Variants in AP3B1 observed in about 807,000 individuals in gnomAD.
AP3B1 encodes AP-3 complex subunit beta-1.
In AP3B1, 61 loss-of-function variants were observed where a neutral mutation model predicts 132.5. The observed-to-expected ratio is 0.46, with a 90% CI of 0.37 to 0.57. The LOEUF is 0.57. Ranked by LOEUF, AP3B1 falls within the 20% of genes least tolerant of loss-of-function variation. The probability of loss-of-function intolerance (pLI) is 0.00; values close to 1 mark genes in which losing one functional copy is unlikely to be tolerated. For missense variants in AP3B1, 1,120 were observed against 1,289.4 expected, an observed-to-expected ratio of 0.87 and a Z score of 2.01; for synonymous variants, 388 against 438.3, an observed-to-expected ratio of 0.89 and a Z score of 1.43.
At chr5:78,182,541 C>T (rs888649307) in intron 7 of AP3B1, among the ~76,000 whole-genome samples, 1 of 152,154 alleles carries the variant, frequency 6.6e-6, no homozygotes, top group African/African-American at 2.4e-5. Context: ...AAAGACAGAC[C>T]AGTGAGTTCC....
chr5:78,077,153 A>G (rs952684292), intron 22 of AP3B1, among the ~76,000 whole-genome samples: 3 of 152,160 alleles, frequency 2.0e-5, no homozygotes, highest in Non-Finnish European at 4.4e-5. Context: ...ATTGTTCTTG[A>G]AATTCCTTAC....
At chr5:78,183,415 C>T (rs1291064135) in intron 7 of AP3B1, among the ~76,000 whole-genome samples, 1 of 152,086 alleles carries the variant, frequency 6.6e-6, no homozygotes, top group African/African-American at 2.4e-5. Flanking sequence ...AAAGGAAGAT[C>T]TCAAACTGAA....
At chr5:78,270,609 G>A (rs1235167378) in intron 1 of AP3B1, among the ~76,000 whole-genome samples, 5 of 152,174 alleles carry the variant, frequency 3.3e-5, no homozygotes, top group Non-Finnish European at 5.9e-5. Context: ...TCCAAGTGGT[G>A]CGCTGCAAAT....
At chr5:78,291,420 GAAAAAAAAA>G (rs5868911) in intron 1 of AP3B1, among the ~76,000 whole-genome samples, 1 of 85,718 alleles carries the variant, frequency 1.2e-5, no homozygotes, top group African/African-American at 4.6e-5. Context: ...CAGATAATTT[GAAAAAAAAA>G]AAAAAAAAAA....
chr5:78,191,659 T>C (rs958337867), intron 7 of AP3B1, among the ~76,000 whole-genome samples: 26 of 151,908 alleles, frequency 1.7e-4, no homozygotes, highest in African/African-American at 6.3e-4. Context: ...TAGAACAAAA[T>C]CCATCATCCA....
chr5:78,132,521 T>C (rs1752734089), intron 15 of AP3B1, among the ~76,000 whole-genome samples: 2 of 152,342 alleles, frequency 1.3e-5, no homozygotes, highest in African/African-American at 4.8e-5. Context: ...TTAACAGCTA[T>C]TGTTTCATTT....
At chr5:78,140,132 T>G (rs1753083262) in intron 15 of AP3B1, among the ~76,000 whole-genome samples, 1 of 152,090 alleles carries the variant, frequency 6.6e-6, no homozygotes, top group South Asian at 2.1e-4. Flanking sequence ...ATAGGAAAAG[T>G]CCCTATTTCG....
chr5:78,117,769 C>T (rs779074279), intron 17 of AP3B1, among the ~76,000 whole-genome samples: 13 of 152,098 alleles, frequency 8.5e-5, no homozygotes, highest in South Asian at 4.1e-4. Context: ...CTAATATGAG[C>T]CCCTTTAACC....
chr5:78,160,114 T>C (rs909730956), intron 13 of AP3B1, among the ~76,000 whole-genome samples: 1 of 152,060 alleles, frequency 6.6e-6, no homozygotes, highest in East Asian at 1.9e-4. Context: ...TATAATATAT[T>C]TGTCTTATAT....
chr5:78,282,034 C>T (rs1191469030), intron 1 of AP3B1, among the ~76,000 whole-genome samples: 3 of 152,182 alleles, frequency 2.0e-5, no homozygotes, highest in African/African-American at 7.2e-5. Context: ...AACCATCCTT[C>T]GTCCTCTACC....
chr5:78,251,790 C>T (rs562944959), intron 2 of AP3B1, among the ~76,000 whole-genome samples: 4 of 152,304 alleles, frequency 2.6e-5, no homozygotes, highest in African/African-American at 7.2e-5. Flanking sequence ...GCAAGTCCTA[C>T]GGCTGAACTA....
Position 78,110,309 on chromosome 5 carries a change from T to C in AP3B1, c.2295A>G (p.Ser765=), listed in dbSNP as rs1241187833. 5.6e-6 allele frequency: 9 copies of C among 1,610,002 alleles called. No individual in the cohort carries two copies. The highest frequency in any genetic ancestry group is 6.8e-6 in the Non-Finnish European group (8 of 1,177,450). Reference sequence around the variant, plus strand: ...AACTAGATTCGTCATTTGAAGAATCTGAAGTTTTAGATTTTTCATTTTCCT... The same window carrying C: ...AACTAGATTCGTCATTTGAAGAATCCGAAGTTTTAGATTTTTCATTTTCCT... ...GEKENEKSKT[S]DSSNDESSSI... The change falls in exon 20 of 27, where the codon TCA becomes TCG. Residue 765 remains serine, a synonymous_variant. Transcript: ENST00000255194.
chr5:78,159,435 C>T (rs1743296659), intron 13 of AP3B1, among the ~76,000 whole-genome samples: 1 of 152,152 alleles, frequency 6.6e-6, no homozygotes, highest in Non-Finnish European at 1.5e-5. Flanking sequence ...ATGGGACTAA[C>T]ATCAAGCTCT....
chr5:78,113,784 TG>T lies in AP3B1; in HGVS notation c.2216del (p.Thr739LysfsTer37). On this transcript the variant is annotated frameshift_variant, in exon 19 of 27. Coordinates refer to ENST00000255194, the MANE Select transcript of AP3B1 (RefSeq NM_003664.5). LOFTEE classifies it high-confidence loss of function. ...GRESGLENKR[T>X]AKRNSKAKGK... is the part of the protein sequence containing the mutation. The stretch of plus-strand genomic sequence containing the variant: ...CTTTGGCTTTTGAGTTCCTCTTGGC[TG>T]TTCTTTTGTTTTCTAGGCCTGACTC... The T allele has an allele frequency of 6.2e-7, 1 of 1,614,198 alleles. No homozygotes were observed. Among genetic ancestry groups the T allele is most frequent in the Non-Finnish European group, 8.5e-7 (1 of 1,180,048 alleles).
rs1399059808 is a variant in AP3B1, at chr5:78,294,465, T to C, written c.115A>G (p.Ser39Gly). Reference sequence around the variant, plus strand: ...CTTTCTCCTCACTTCTTCAAATCGCTGCTAAAGAGGCCGAAGGCCCCCGAG... The same window carrying C: ...CTTTCTCCTCACTTCTTCAAATCGCCGCTAAAGAGGCCGAAGGCCCCCGAG... ...SPSGAFGLFSSDLKKNEDLKQ... is the reference protein window; with the variant it reads ...SPSGAFGLFSGDLKKNEDLKQ... Residue 39 changes from serine (S) to glycine (G), a missense_variant, in exon 1 of 27, where the codon AGC becomes GGC. Physicochemically the swap from Ser to Gly is moderately conservative, Grantham distance 56. Coordinates refer to ENST00000255194, the MANE Select transcript of AP3B1 (RefSeq NM_003664.5). The C allele has an allele frequency of 6.2e-7, 1 of 1,614,060 alleles. No individual in the cohort carries two copies. Among genetic ancestry groups the C allele is most frequent in the Non-Finnish European group, 8.5e-7 (1 of 1,180,032 alleles).
Position 78,262,170 on chromosome 5 carries a change from A to G in AP3B1, c.204+5350T>C, listed in dbSNP as rs542155841. ...ATTTGCAAATATTTTCTTGTATTCT[A>G]TGGGTTGCCTTTTCACTTTGTTGAC... On this transcript the variant is annotated intron_variant, in intron 2 of 26. Transcript: ENST00000255194. Among the ~76,000 whole-genome samples the G allele has an allele frequency of 2.0e-5, 3 of 152,276 alleles. No individual in the cohort carries two copies. In the South Asian group the frequency reaches 6.2e-4, roughly 32 times the overall value.
chr5:78,193,748 A>ATATATCTATATATATATATC, intron 7 of AP3B1, among the ~76,000 whole-genome samples: 1 of 57,030 alleles, frequency 1.8e-5, no homozygotes, highest in East Asian at 3.3e-4. Flanking sequence ...ATTTTTTTAT[A>ATATATCTATATATATATATC]TATATATATA....
In AP3B1 at chr5:78,020,797, A is replaced by G. The variant is rs754043750; in HGVS notation, c.2895-8T>C. The G allele has an allele frequency of 6.3e-7, 1 of 1,596,796 alleles. No homozygotes were observed. Among genetic ancestry groups the G allele is most frequent in the Non-Finnish European group, 8.6e-7 (1 of 1,165,902 alleles). ...AAGCAATCATCCTTGGTACTGAAGAAAAACAATCAAAGCTGACTAAATGCT... is the reference window on the plus strand; with the variant it reads ...AAGCAATCATCCTTGGTACTGAAGAGAAACAATCAAAGCTGACTAAATGCT... On this transcript the variant is annotated splice_polypyrimidine_tract_variant and splice_region_variant and intron_variant, in intron 24 of 26. Transcript: ENST00000255194.
At chr5:78,162,786 T>C (rs1469965073) in intron 13 of AP3B1, 33 bp downstream of exon 13, 1 of 1,610,264 alleles carries the variant, frequency 6.2e-7, no homozygotes, top group Non-Finnish European at 8.5e-7. Context: ...CAAATTTAAA[T>C]CACCTGAAAA....
Sources: allele counts gnomAD v4.1 joint callset (sites outside exome capture counted in the v4.1 genomes callset), GRCh38; gene constraint gnomAD v4.1.1; transcripts MANE v1.5; gene names NCBI Gene and HGNC (gene_info 2026-07-23, HGNC 2026-07-21).